Variants in CRACD observed in about 807,000 individuals in gnomAD.
The protein encoded by CRACD is capping protein inhibiting regulator of actin dynamics, also known as capping protein-inhibiting regulator of actin dynamics.
Under a neutral mutation model 106.8 loss-of-function variants are expected in CRACD, and 56 were observed. The observed-to-expected ratio is 0.52, with a 90% CI of 0.42 to 0.66. CRACD has a LOEUF of 0.66. Ranked by LOEUF, CRACD falls within the 30% of genes least tolerant of loss-of-function variation. CRACD has a pLI of 0.00. For synonymous variants in CRACD, 754 were observed against 670.8 expected, an observed-to-expected ratio of 1.12 and a Z score of -1.92; for missense variants, 1,730 against 1,623.2, an observed-to-expected ratio of 1.07 and a Z score of -1.13.
chr4:56,270,587 A>G (rs189738378), intron 2 of CRACD, among the ~76,000 whole-genome samples: 8 of 152,150 alleles, frequency 5.3e-5, no homozygotes, highest in Non-Finnish European at 1.2e-4. Flanking sequence ...CTCTATCTTT[A>G]CTTCTCTCTC....
intron 2 of CRACD, among the ~76,000 whole-genome samples, chr4:56,249,489 G>A (rs1031641198): frequency 3.3e-5 from 5 of 151,592 alleles, no homozygotes; most frequent in Admixed American, 1.3e-4. Flanking sequence ...TTTGTCAGAT[G>A]AGTAGGTTGC....
chr4:56,254,779 G>A (rs183087068), intron 2 of CRACD, among the ~76,000 whole-genome samples: 4 of 150,882 alleles, frequency 2.7e-5, no homozygotes, highest in African/African-American at 9.7e-5. Flanking sequence ...TATCCAGCAG[G>A]AACTATTACT....
chr4:56,247,123 C>T (rs1740727126), intron 2 of CRACD, among the ~76,000 whole-genome samples: 1 of 152,158 alleles, frequency 6.6e-6, no homozygotes, highest in Non-Finnish European at 1.5e-5. Context: ...GCTCTGTGAT[C>T]ATCCTCTGTC....
chr4:56,234,067 C>T (rs916620554), intron 2 of CRACD, among the ~76,000 whole-genome samples: 5 of 151,944 alleles, frequency 3.3e-5, no homozygotes, highest in African/African-American at 1.2e-4. Flanking sequence ...ATCTAGTAGA[C>T]TCCATCATTT....
In CRACD at chr4:56,055,841, A is replaced by G. The variant is rs1405452008; in HGVS notation, c.-336+6542A>G. Among the ~76,000 whole-genome samples the G allele has an allele frequency of 4.6e-5, 7 of 152,320 alleles. No individual in the cohort carries two copies. The South Asian group carries it at 1.4e-3, about 32-fold the overall frequency. On this transcript the variant is annotated intron_variant, in intron 1 of 10. Coordinates refer to ENST00000682029, the MANE Select transcript of CRACD (RefSeq NM_001393381.1). ...ATTGTACTCTTAACCCAGGCCAGCC[A>G]TCTGGTGAAGGCAGATCATTGATCA...
intron 2 of CRACD, among the ~76,000 whole-genome samples, chr4:56,208,228 C>G (rs73819811): frequency 0.045 from 6,827 of 152,102 alleles, 382 homozygotes; most frequent in African/African-American, 0.13. Context: ...AATGGACATA[C>G]AGTTCCTAGA....
At chr4:56,236,630 G>C (rs1323725032) in intron 2 of CRACD, among the ~76,000 whole-genome samples, 2 of 151,910 alleles carry the variant, frequency 1.3e-5, no homozygotes, top group African/African-American at 4.8e-5. Context: ...TCAATGACAT[G>C]AGAAAACAGG....
intron 1 of CRACD, among the ~76,000 whole-genome samples, chr4:56,079,337 G>A (rs1435426760): frequency 6.6e-6 from 1 of 151,690 alleles, no homozygotes; most frequent in Non-Finnish European, 1.5e-5. Flanking sequence ...AATTTTAATT[G>A]CTTCATGTTT....
chr4:56,215,723 T>C (rs1189019274), intron 2 of CRACD, among the ~76,000 whole-genome samples: 2 of 152,208 alleles, frequency 1.3e-5, no homozygotes, highest in African/African-American at 2.4e-5. Flanking sequence ...AATTTATCTT[T>C]TGGATGCTGA....
At chr4:56,063,559 C>G (rs1732355053) in intron 1 of CRACD, among the ~76,000 whole-genome samples, 1 of 151,994 alleles carries the variant, frequency 6.6e-6, no homozygotes, top group African/African-American at 2.4e-5. Flanking sequence ...CCAGGGGCAG[C>G]CCCTGGTAAC....
intron 1 of CRACD, among the ~76,000 whole-genome samples, chr4:56,097,724 T>C (rs1733643213): frequency 6.6e-6 from 1 of 151,938 alleles, no homozygotes; most frequent in Non-Finnish European, 1.5e-5. Context: ...GGTGAAAGGG[T>C]CAATGGCATG....
intron 2 of CRACD, chr4:56,196,249 G>A (rs568940340): frequency 6.5e-6 from 1 of 152,680 alleles, no homozygotes; most frequent in Admixed American, 6.5e-5. Flanking sequence ...CAGAAATGGA[G>A]GATACAGGAC....
intron 1 of CRACD, among the ~76,000 whole-genome samples, chr4:56,101,053 G>GA (rs1390012391): frequency 6.6e-6 from 1 of 152,150 alleles, no homozygotes; most frequent in Non-Finnish European, 1.5e-5. Flanking sequence ...GTAGAATAGG[G>GA]AAGTGGAATT....
intron 1 of CRACD, among the ~76,000 whole-genome samples, chr4:56,141,010 T>A (rs1044495055): frequency 1.3e-5 from 2 of 152,064 alleles, no homozygotes; most frequent in African/African-American, 4.8e-5. Flanking sequence ...AATGAAAAAT[T>A]ATGGAGGCCC....
chr4:56,192,584 T>C (rs1307696714), intron 2 of CRACD, among the ~76,000 whole-genome samples: 3 of 151,930 alleles, frequency 2.0e-5, no homozygotes, highest in African/African-American at 7.3e-5. Context: ...AGAAATGAAA[T>C]GAGTTGAAAA....
chr4:56,270,773 C>T (rs948858406), intron 2 of CRACD, among the ~76,000 whole-genome samples: 1 of 152,022 alleles, frequency 6.6e-6, no homozygotes, highest in Non-Finnish European at 1.5e-5. Context: ...AGCCGTGGTA[C>T]ATAGTAAGGG....
intron 2 of CRACD, among the ~76,000 whole-genome samples, chr4:56,214,954 C>G (rs992748138): frequency 6.6e-6 from 1 of 150,672 alleles, no homozygotes; most frequent in Admixed American, 6.6e-5. Flanking sequence ...GAGCCGAGAT[C>G]GCACCATTGC....
chr4:56,205,359 C>T (rs1738073792), intron 2 of CRACD, among the ~76,000 whole-genome samples: 4 of 151,970 alleles, frequency 2.6e-5, no homozygotes, highest in Admixed American at 2.6e-4. Flanking sequence ...ACTATTTGAC[C>T]ATCTGGCCTG....
chr4:56,251,980 G>A (rs1741080973), intron 2 of CRACD, among the ~76,000 whole-genome samples: 1 of 152,188 alleles, frequency 6.6e-6, no homozygotes, highest in Non-Finnish European at 1.5e-5. Flanking sequence ...ATAAAGTTGT[G>A]TATATATACG....
Sources: allele counts gnomAD v4.1 joint callset (sites outside exome capture counted in the v4.1 genomes callset), GRCh38; gene constraint gnomAD v4.1.1; transcripts MANE v1.5; gene names NCBI Gene and HGNC (gene_info 2026-07-23, HGNC 2026-07-21).